HOXC4: variants seen among roughly 807,000 people sequenced by gnomAD.
The protein encoded by HOXC4 is homeobox protein Hox-C4.
A neutral mutation model predicts 25.5 loss-of-function variants in HOXC4; 15 were observed. That is an observed-to-expected ratio of 0.59 (90% confidence interval 0.39 to 0.91). The LOEUF is 0.91. HOXC4 is among the 40% of genes least tolerant of loss of function. The pLI is 0.00. For synonymous variants in HOXC4, 165 were observed against 148.0 expected, an observed-to-expected ratio of 1.11 and a Z score of -0.83; for missense variants, 342 against 352.4, an observed-to-expected ratio of 0.97 and a Z score of 0.24.
rs1431635473 is a variant in HOXC4, at chr12:54,054,183, C to T, written c.261C>T (p.Gly87=). 1.1e-5 allele frequency: 18 copies of T among 1,613,316 alleles called. No individual in the cohort carries two copies. Among genetic ancestry groups the T allele is most frequent in the Non-Finnish European group, 1.4e-5 (17 of 1,179,702 alleles). Residue 87 remains glycine, a synonymous_variant, in exon 1 of 2, where the codon GGC becomes GGT. Transcript: ENST00000430889. ...GAGGCCACGGGCCGGCCCAGGCGGG[C>T]CACCACCACCCCGAGAAATCACAGT... is the stretch of plus-strand genomic sequence containing the variant. ...NSRGHGPAQA[G]HHHPEKSQSL...
intron 1 of HOXC4, chr12:54,029,763 G>A (rs775544979): frequency 1.9e-6 from 3 of 1,614,174 alleles, no homozygotes; most frequent in South Asian, 2.2e-5. Flanking sequence ...ACGCGGCGCC[G>A]GCGCATCGAG....
At chr12:54,019,689 GC>G (rs1260636687) in intron 1 of HOXC4, among the ~76,000 whole-genome samples, 1 of 152,124 alleles carries the variant, frequency 6.6e-6, no homozygotes, top group Non-Finnish European at 1.5e-5. Context: ...CGAGGGGCGG[GC>G]CTGGGCGAGG....
chr12:54,036,844 A>T (rs1259508164), intron 1 of HOXC4, among the ~76,000 whole-genome samples: 1 of 152,182 alleles, frequency 6.6e-6, no homozygotes, highest in East Asian at 1.9e-4. Context: ...ACCCGCACCC[A>T]CCTGTTCCAG....
At chr12:54,030,142 A>T in intron 1 of HOXC4, 1 of 560,840 alleles carries the variant, frequency 1.8e-6, no homozygotes, top group South Asian at 3.0e-5. Context: ...TCACCGCACA[A>T]CTCTCTTTCA....
At position 54,055,212 on chromosome 12, in the gene HOXC4, ACT is replaced by A; in HGVS notation, c.*9_*10del. 1 of 1,528,082 alleles carries A rather than the reference ACT, an allele frequency of 6.5e-7. No individual in the cohort carries two copies. Among genetic ancestry groups the A allele is most frequent in the Non-Finnish European group, 8.8e-7 (1 of 1,130,070 alleles). 94.7% of individuals were successfully genotyped at this position (1,528,082 alleles called of 1,614,324 possible). ...GGACATTACCAGGTTATAAAACATA[ACT>A]CACACCCCTGCCCCCACCCCATGCC... On this transcript the variant is annotated 3_prime_UTR_variant, in exon 2 of 2. Coordinates refer to ENST00000430889, the MANE Select transcript of HOXC4 (RefSeq NM_153633.3).
chr12:54,054,465 CCTCT>C, intron 1 of HOXC4, 104 bp downstream of exon 1: 1 of 749,526 alleles, frequency 1.3e-6, no homozygotes, highest in Non-Finnish European at 2.2e-6. Context: ...TCTCCTTCCC[CCTCT>C]CTCTCCAGGA....
intron 1 of HOXC4, chr12:54,028,877 G>A: frequency 6.2e-7 from 1 of 1,613,620 alleles, no homozygotes; most frequent in Non-Finnish European, 8.5e-7. Flanking sequence ...CAGAAAGCCA[G>A]TATCCAGATT....
At chr12:54,034,351 T>A (rs1441542947) in intron 1 of HOXC4, 3 of 1,614,232 alleles carry the variant, frequency 1.9e-6, no homozygotes, top group Non-Finnish European at 2.5e-6. Context: ...AATTCCACTT[T>A]AACCGCTACC....
chr12:54,038,363 G>A (rs1242671620), intron 1 of HOXC4, among the ~76,000 whole-genome samples: 1 of 152,190 alleles, frequency 6.6e-6, no homozygotes, highest in Non-Finnish European at 1.5e-5. Flanking sequence ...GTCTGTACGG[G>A]TATGTAAACT....
rs1263258522 is a variant in HOXC4, at chr12:54,029,645, G to T, written c.-124+12231G>T. On this transcript the variant is annotated intron_variant, in intron 1 of 3. Transcript: ENST00000303406. ...ATTGCTTTTAGTGTGTTTTGTGCCC[G>T]GATCTTTAGGGGTCGGCTACGGAGC... is the stretch of plus-strand genomic sequence containing the variant. 3.1e-6 allele frequency: 5 copies of T among 1,608,428 alleles called. No homozygotes were observed. The South Asian group carries it at 4.4e-5, about 14-fold the overall frequency.
At chr12:54,053,271 G>T (rs996445127), upstream of HOXC4, 4 of 152,576 alleles carry the variant, frequency 2.6e-5, no homozygotes, top group Non-Finnish European at 5.9e-5. Context: ...ATGGCCAGAG[G>T]GTTGGGTGAG....
At chr12:54,030,057 T>C (rs1398545600) in intron 1 of HOXC4, 2 of 1,219,116 alleles carry the variant, frequency 1.6e-6, no homozygotes, top group Admixed American at 5.8e-5. Flanking sequence ...CTGGCACAAT[T>C]GATGTGTTTT....
At chr12:54,049,250 T>C (rs1347498891), upstream of HOXC4, among the ~76,000 whole-genome samples, 1 of 152,238 alleles carries the variant, frequency 6.6e-6, no homozygotes, top group Non-Finnish European at 1.5e-5. Flanking sequence ...CTAAAGGCCA[T>C]TTGCGAAGAG....
chr12:54,028,569 G>T (rs780711773), intron 1 of HOXC4: 2 of 1,613,924 alleles, frequency 1.2e-6, no homozygotes, highest in Non-Finnish European at 1.7e-6. Flanking sequence ...ACCTCGCCGG[G>T]GGCCAGGACG....
exon 1 of HOXC4, chr12:54,016,955 T>C (rs979220150): frequency 3.9e-5 from 6 of 152,072 alleles, no homozygotes; most frequent in African/African-American, 1.4e-4. Context: ...CTCCCTTCAT[T>C]AGCAGTATTT....
chr12:54,037,307 A>G (rs1316120217), intron 1 of HOXC4, among the ~76,000 whole-genome samples: 2 of 152,158 alleles, frequency 1.3e-5, no homozygotes, highest in Admixed American at 1.3e-4. Flanking sequence ...CTCCTAGAAC[A>G]TATTTCCAGG....
At chr12:54,043,052 A>G (rs531491092) in intron 1 of HOXC4, among the ~76,000 whole-genome samples, 9 of 152,348 alleles carry the variant, frequency 5.9e-5, no homozygotes, top group Admixed American at 5.9e-4. Flanking sequence ...ACCTCAGAGG[A>G]AGCGGTATGG....
Position 54,038,017 on chromosome 12 carries a change from G to A in HOXC4, c.-123-15143G>A, listed in dbSNP as rs182932030. The A allele has an allele frequency of 1.2e-4, 19 of 152,284 alleles. No homozygotes were observed. In the East Asian group the frequency reaches 3.5e-3, roughly 28 times the overall value. The allele number at this position is 152,284 out of a possible 1,614,324, so 9.4% of individuals were successfully genotyped here. ...CAAATGAATCCCAGGCGAACGCTGT[G>A]AGTTAATTCTCTCTTTCTCTCTCTC... On this transcript the variant is annotated intron_variant, in intron 1 of 3. Coordinates refer to the HOXC4 transcript ENST00000303406.
intron 1 of HOXC4, among the ~76,000 whole-genome samples, chr12:54,024,492 C>A (rs1940601033): frequency 6.6e-6 from 1 of 152,182 alleles, no homozygotes; most frequent in Admixed American, 6.5e-5. Flanking sequence ...AGGGAGAACA[C>A]AACTAAGGAG....
Sources: gnomAD v4.1 joint callset for allele counts (sites outside exome capture counted in the v4.1 genomes callset) on GRCh38, gnomAD v4.1.1 for gene constraint, MANE v1.5 for transcripts, NCBI Gene and HGNC (gene_info 2026-07-23, HGNC 2026-07-21) for gene names.